Variants in NIM1K observed in about 807,000 individuals in gnomAD.
The protein encoded by NIM1K is serine/threonine-protein kinase NIM1.
In NIM1K, 35 loss-of-function variants were observed where a neutral mutation model predicts 37.1. The observed-to-expected ratio is 0.94, with a 90% confidence interval of 0.72 to 1.25. The LOEUF (loss-of-function observed/expected upper bound fraction) is 1.25. Among genes scored for constraint, NIM1K ranks in the 50% most tolerant of loss-of-function variants. NIM1K has a pLI of 0.00. For missense variants in NIM1K, 564 were observed against 548.0 expected (o/e 1.03, Z -0.29); for synonymous variants, 234 against 206.6 (o/e 1.13, Z -1.14).
At chr5:43,241,914 T>C (rs1040730463) in intron 1 of NIM1K, among the ~76,000 whole-genome samples, 4 of 151,956 alleles carry the variant, frequency 2.6e-5, no homozygotes, top group Admixed American at 6.5e-5. Flanking sequence ...ACTTAGATGA[T>C]TTATTTGGCA....
chr5:43,264,927 A>G lies in NIM1K; in HGVS notation c.293-12130A>G, dbSNP rs552888401. 4.6e-5 allele frequency among the ~76,000 whole-genome samples: 7 copies of G among 152,312 alleles called. No individual in the cohort carries two copies. In the East Asian group the frequency reaches 9.6e-4, roughly 21 times the overall value. On this transcript the variant is annotated intron_variant, in intron 2 of 3. Coordinates refer to ENST00000326035, the MANE Select transcript of NIM1K (RefSeq NM_153361.4). ...TTCTGGATGGAAAATTCTTTTCTTT[A>G]AGAATGTTGAATATTGGCCCCCACT...
chr5:43,200,168 C>T (rs1210087387), intron 1 of NIM1K, among the ~76,000 whole-genome samples: 5 of 152,226 alleles, frequency 3.3e-5, no homozygotes, highest in African/African-American at 7.2e-5. Flanking sequence ...CCACTGCACC[C>T]GGCCGTCCTA....
chr5:43,279,529 C>A (rs1485836532), intron 3 of NIM1K, among the ~76,000 whole-genome samples: 1 of 152,224 alleles, frequency 6.6e-6, no homozygotes, highest in Non-Finnish European at 1.5e-5. Flanking sequence ...AACCACCTCC[C>A]TTCGGCTGAA....
At position 43,255,164 on chromosome 5, in the gene NIM1K, G is replaced by A. The variant is rs113484618; in HGVS notation, c.292+9097G>A. ...GAGAAATCATGATTATGAAGACTCT[G>A]TGGTAACATGGAAGATGGGCAGGAC... On this transcript the variant is annotated intron_variant, in intron 2 of 3. Transcript: ENST00000326035. 2.4e-3 allele frequency among the ~76,000 whole-genome samples: 362 copies of A among 152,326 alleles called. 3 individuals are homozygous for A. Among genetic ancestry groups the A allele is most frequent in the African/African-American group, 8.3e-3 (347 of 41,578 alleles).
At position 43,201,442 on chromosome 5, in the gene NIM1K, T is replaced by C. The variant is rs184648661; in HGVS notation, c.-695+9031T>C. ...AAAAAGGAAAAGTACACAGTTGATA[T>C]GCCAGGGACTTTTCTTTGAAGACTA... On this transcript the variant is annotated intron_variant, in intron 1 of 3. Transcript: ENST00000326035. Among the ~76,000 whole-genome samples, 419 of 151,608 alleles carry C rather than the reference T, an allele frequency of 2.8e-3. 3 individuals are homozygous for C. Among genetic ancestry groups the C allele is most frequent in the Middle Eastern group, 6.8e-3 (2 of 292 alleles).
chr5:43,209,274 C>T (rs577169333), intron 1 of NIM1K, among the ~76,000 whole-genome samples: 56 of 152,252 alleles, frequency 3.7e-4, no homozygotes, highest in Admixed American at 2.2e-3. Context: ...AGAATGTCTA[C>T]CCGCATTTGA....
At position 43,245,466 on chromosome 5, in the gene NIM1K, T is replaced by A. The variant is rs1752762135; in HGVS notation, c.-310T>A. On this transcript the variant is annotated 5_prime_UTR_variant, in exon 2 of 4. Transcript: ENST00000326035. ...ACGTCTGGCCAGAAAGTTCCTGGAG[T>A]CCCATCAGGCCAGTGGGTATGTAAC... 8.6e-6 allele frequency: 2 copies of A among 233,364 alleles called. No individual in the cohort carries two copies. Among genetic ancestry groups the A allele is most frequent in the Non-Finnish European group, 1.6e-5 (2 of 121,278 alleles). The allele number at this position is 233,364 out of a possible 1,614,324, so 14.5% of individuals were successfully genotyped here.
intron 1 of NIM1K, among the ~76,000 whole-genome samples, chr5:43,198,615 CT>C (rs992295707): frequency 3.3e-5 from 5 of 152,136 alleles, no homozygotes; most frequent in Non-Finnish European, 7.3e-5. Flanking sequence ...AGAACACGAT[CT>C]ATTTCTTATC....
At chr5:43,220,080 A>G (rs1752359871) in intron 1 of NIM1K, among the ~76,000 whole-genome samples, 1 of 151,824 alleles carries the variant, frequency 6.6e-6, no homozygotes, top group South Asian at 2.1e-4. Flanking sequence ...CAGTTTATGT[A>G]TTTTTTCTTT....
At position 43,269,561 on chromosome 5, in the gene NIM1K, T is replaced by A. The variant is rs1023430460; in HGVS notation, c.293-7496T>A. On this transcript the variant is annotated intron_variant, in intron 2 of 3. Coordinates refer to ENST00000326035, the MANE Select transcript of NIM1K (RefSeq NM_153361.4). ...GAGATGTAAGGTACGATTCTCCTCATCATGTTGATTATTACCTGGATCCTT... is the reference window on the plus strand; with the variant it reads ...GAGATGTAAGGTACGATTCTCCTCAACATGTTGATTATTACCTGGATCCTT... Among the ~76,000 whole-genome samples, 12 of 152,074 alleles carry A rather than the reference T, an allele frequency of 7.9e-5. 1 individual carries two copies. The highest frequency in any genetic ancestry group is 5.9e-4 in the Admixed American group (9 of 15,268).
intron 1 of NIM1K, among the ~76,000 whole-genome samples, chr5:43,244,035 A>G (rs2112260533): frequency 6.6e-6 from 1 of 152,362 alleles, no homozygotes; most frequent in Non-Finnish European, 1.5e-5. Flanking sequence ...AAATAGGAGC[A>G]GTACTGGGCA....
chr5:43,266,657 C>T (rs1461630474), intron 2 of NIM1K, among the ~76,000 whole-genome samples: 1 of 152,202 alleles, frequency 6.6e-6, no homozygotes. Flanking sequence ...GAACGCGGTA[C>T]CTCAGTTGGA....
At chr5:43,202,178 A>AT (rs201283035) in intron 1 of NIM1K, among the ~76,000 whole-genome samples, 6 of 150,652 alleles carry the variant, frequency 4.0e-5, no homozygotes, top group Non-Finnish European at 5.9e-5. Flanking sequence ...AATCCCCCCA[A>AT]TTTTTTTTTA....
chr5:43,276,979 G>T, intron 2 of NIM1K, 78 bp from the exon 3 acceptor site: 1 of 1,423,084 alleles, frequency 7.0e-7, no homozygotes, highest in Non-Finnish European at 9.7e-7. Context: ...GTAAAGGAAA[G>T]GAGCTGATCC....
chr5:43,275,313 A>G (rs1463522775), intron 2 of NIM1K, among the ~76,000 whole-genome samples: 1 of 152,198 alleles, frequency 6.6e-6, no homozygotes, highest in East Asian at 1.9e-4. Flanking sequence ...TAGACCTACC[A>G]CACTCTATTT....
rs764581890 is a variant in NIM1K at position 43,252,442 on chromosome 5, A to G, written c.292+6375A>G. Among the ~76,000 whole-genome samples the G allele has an allele frequency of 1.4e-4, 21 of 152,284 alleles. No homozygotes were observed. In the South Asian group the frequency reaches 3.7e-3, roughly 27 times the overall value. ...ACAAATATGGCCCCCACACCAAACC[A>G]ACTTGCCCAGAATTGTCATCCGGTT... On this transcript the variant is annotated intron_variant, in intron 2 of 3. Coordinates refer to ENST00000326035, the MANE Select transcript of NIM1K (RefSeq NM_153361.4).
intron 2 of NIM1K, among the ~76,000 whole-genome samples, chr5:43,270,683 G>A (rs960638858): frequency 6.6e-6 from 1 of 152,326 alleles, no homozygotes; most frequent in South Asian, 2.1e-4. Context: ...TTCAAAGTGA[G>A]ACAAGCCATT....
At chr5:43,266,799 G>A (rs1301778317) in intron 2 of NIM1K, among the ~76,000 whole-genome samples, 1 of 152,190 alleles carries the variant, frequency 6.6e-6, no homozygotes, top group Non-Finnish European at 1.5e-5. Context: ...CTGGGACAAA[G>A]CCCATTTGAT....
At position 43,245,757 on chromosome 5, in the gene NIM1K, A is replaced by C; in HGVS notation, c.-19A>C. The C allele has an allele frequency of 6.4e-7, 1 of 1,551,656 alleles. No homozygotes were observed. ...AACCTGCCTCTTCGCTGAGATGGAG[A>C]CGTGAGCCCCCGTGGACGATGACTG... On this transcript the variant is annotated 5_prime_UTR_variant, in exon 2 of 4. Transcript: ENST00000326035.
Sources: gnomAD v4.1 joint callset for allele counts (sites outside exome capture counted in the v4.1 genomes callset) on GRCh38, gnomAD v4.1.1 for gene constraint, MANE v1.5 for transcripts, NCBI Gene and HGNC (gene_info 2026-07-23, HGNC 2026-07-21) for gene names.